DNMBP: variants seen among roughly 807,000 people sequenced by gnomAD.
DNMBP encodes dynamin binding protein, also known as dynamin-binding protein.
In DNMBP, 87 loss-of-function variants were observed where a neutral mutation model predicts 150.0. The ratio of observed to expected loss-of-function variants is 0.58; its 90% CI spans 0.49 to 0.69. DNMBP has a LOEUF of 0.69. Ranked by LOEUF, DNMBP falls within the 30% of genes least tolerant of loss-of-function variation. DNMBP has a pLI of 0.00. For synonymous variants in DNMBP, 711 were observed against 750.4 expected, an observed-to-expected ratio of 0.95 and a Z score of 0.86; for missense variants, 1,774 against 1,949.0, an observed-to-expected ratio of 0.91 and a Z score of 1.69.
chr10:99,907,400 T>G (rs894987794), intron 6 of DNMBP, among the ~76,000 whole-genome samples: 2 of 139,176 alleles, frequency 1.4e-5, no homozygotes, highest in African/African-American at 2.5e-5. Flanking sequence ...TTTTCTTTTG[T>G]TTTTTTTTTT....
rs371216708 is a variant in DNMBP, at chr10:99,930,171, C to T, written c.2261-21025G>A. 160 of 702,948 alleles carry T rather than the reference C, an allele frequency of 2.3e-4. 1 individual carries two copies. The East Asian group carries it at 3.2e-3, about 14-fold the overall frequency. The allele number at this position is 702,948 out of a possible 1,614,324, so 43.5% of individuals were successfully genotyped here. ...ATGATATAAATTGCTGTGTTCTCTA[C>T]AATAAAAATTAGTTGCCCAACAATC... is the stretch of plus-strand genomic sequence containing the variant. On this transcript the variant is annotated intron_variant, in intron 4 of 16. Transcript: ENST00000324109.
intron 1 of DNMBP, among the ~76,000 whole-genome samples, chr10:99,998,196 C>T (rs1387143201): frequency 6.7e-6 from 1 of 148,792 alleles, no homozygotes; most frequent in Non-Finnish European, 1.5e-5. Context: ...GATCGCGCCA[C>T]TGTACTCCAG....
chr10:99,919,356 TA>T (rs2039997829), intron 4 of DNMBP, among the ~76,000 whole-genome samples: 2 of 152,356 alleles, frequency 1.3e-5, no homozygotes, highest in African/African-American at 4.8e-5. Flanking sequence ...TCCTACTCTA[TA>T]AAAATCACTT....
chr10:99,898,349 T>C, intron 8 of DNMBP, 64 bp from the exon 9 acceptor site: 1 of 1,405,026 alleles, frequency 7.1e-7, no homozygotes, highest in Non-Finnish European at 1.0e-6. Flanking sequence ...CCTGGGAACA[T>C]CGTGAGACCC....
Position 99,972,258 on chromosome 10 carries a change from A to C in DNMBP, c.-10-124T>G, listed in dbSNP as rs187523495. 6.6e-6 allele frequency: 6 copies of C among 913,182 alleles called. No homozygotes were observed. In the African/African-American group the frequency reaches 1.0e-4, roughly 15 times the overall value. 56.6% of individuals were successfully genotyped at this position (913,182 alleles called of 1,614,324 possible). Reference sequence around the variant, plus strand: ...CTTAAAATGAAGCCAAAGCTAAGCAAATAAGTTAGTACTTCCTATTTTATT... The same window carrying C: ...CTTAAAATGAAGCCAAAGCTAAGCACATAAGTTAGTACTTCCTATTTTATT... On this transcript the variant is annotated intron_variant, in intron 1 of 16. Transcript: ENST00000324109.
At position 100,008,994 on chromosome 10, in the gene DNMBP, T is replaced by C. The variant is rs528120250; in HGVS notation, c.-11+844A>G. ...ACAGCATCATTAGTTATGAAAGTGT[T>C]TTAATACAAGATCTTCATGTTTGTG... On this transcript the variant is annotated intron_variant, in intron 1 of 16. Transcript: ENST00000324109. Among the ~76,000 whole-genome samples the C allele has an allele frequency of 8.7e-4, 132 of 152,330 alleles. 1 individual carries two copies. The highest frequency in any genetic ancestry group is 7.2e-4 in the Non-Finnish European group (49 of 68,022).
intron 1 of DNMBP, among the ~76,000 whole-genome samples, chr10:99,988,078 TA>T (rs11356931): frequency 0.33 from 49,226 of 149,340 alleles, 8,066 homozygotes; most frequent in African/African-American, 0.36. Context: ...TTTTGCTTAA[TA>T]AAAAAAAAAA....
intron 6 of DNMBP, 67 bp downstream of exon 6, chr10:99,907,928 G>C: frequency 8.6e-7 from 1 of 1,158,992 alleles, no homozygotes; most frequent in Non-Finnish European, 1.3e-6. Flanking sequence ...GTATCAGGAA[G>C]GCCACTTACT....
chr10:100,006,779 CCA>C (rs1426516035), intron 1 of DNMBP, among the ~76,000 whole-genome samples: 1 of 152,008 alleles, frequency 6.6e-6, no homozygotes, highest in East Asian at 1.9e-4. Context: ...CATGCTCATC[CCA>C]CTGCCTCCTG....
intron 4 of DNMBP, among the ~76,000 whole-genome samples, chr10:99,917,988 A>T (rs1174498472): frequency 1.8e-5 from 1 of 54,618 alleles, no homozygotes; most frequent in East Asian, 3.2e-4. Context: ...AAAAAAAAAA[A>T]AAGAAAAGAA....
intron 5 of DNMBP, among the ~76,000 whole-genome samples, chr10:99,908,436 G>A (rs534039100): frequency 1.3e-5 from 2 of 152,230 alleles, no homozygotes; most frequent in Admixed American, 1.3e-4. Flanking sequence ...ATGCTCCAAG[G>A]GTGTAAACCC....
chr10:99,964,133 C>T (rs1385729504), intron 3 of DNMBP, among the ~76,000 whole-genome samples: 3 of 138,362 alleles, frequency 2.2e-5, no homozygotes, highest in Non-Finnish European at 3.1e-5. Flanking sequence ...CCTATTCTCT[C>T]TCTTTTTTTT....
chr10:99,892,232 C>A (rs1380552877), intron 11 of DNMBP, among the ~76,000 whole-genome samples: 1 of 150,490 alleles, frequency 6.6e-6, no homozygotes, highest in Non-Finnish European at 1.5e-5. Context: ...CGCCTCTGCC[C>A]GGCCACCACC....
In DNMBP at chr10:99,883,668, A is replaced by AT. The variant is rs200225282; in HGVS notation, c.3997+342dup. 4.8e-5 allele frequency among the ~76,000 whole-genome samples: 7 copies of AT among 145,680 alleles called. No homozygotes were observed. In the East Asian group the frequency reaches 1.2e-3, roughly 24 times the overall value. ...AAAAAAAAAAAAAAAAAAAAAAAAAATTTGAAAAGAGGGCAGCTTATTTTG... is the reference window on the plus strand; with the variant it reads ...AAAAAAAAAAAAAAAAAAAAAAAAAATTTTGAAAAGAGGGCAGCTTATTTTG... On this transcript the variant is annotated intron_variant, in intron 15 of 16. Coordinates refer to ENST00000324109, the MANE Select transcript of DNMBP (RefSeq NM_015221.4).
At chr10:99,901,447 C>A (rs1298806062) in intron 6 of DNMBP, among the ~76,000 whole-genome samples, 2 of 152,102 alleles carry the variant, frequency 1.3e-5, no homozygotes, top group African/African-American at 4.8e-5. Context: ...GACTTATTCC[C>A]TACATTCATA....
At position 99,877,347 on chromosome 10, in the gene DNMBP, G is replaced by A. The variant is rs778857435; in HGVS notation, c.4549-11C>T. On this transcript the variant is annotated splice_polypyrimidine_tract_variant and intron_variant, in intron 16 of 16. Transcript: ENST00000324109. ...GACAGCAAAATAGACCTGTGTGAGG[G>A]AGAGAGAGAAAATGGGAAATTGCTG... is the stretch of plus-strand genomic sequence containing the variant. 7.5e-6 allele frequency: 12 copies of A among 1,592,004 alleles called. No homozygotes were observed. The African/African-American group carries it at 1.1e-4, about 14-fold the overall frequency.
chr10:100,007,150 T>C (rs2041081940), intron 1 of DNMBP, among the ~76,000 whole-genome samples: 1 of 152,044 alleles, frequency 6.6e-6, no homozygotes, highest in African/African-American at 2.4e-5. Flanking sequence ...GAGGCTTTAT[T>C]TGACCCCTCT....
At chr10:99,961,071 C>T (rs2040558478) in intron 3 of DNMBP, among the ~76,000 whole-genome samples, 2 of 151,626 alleles carry the variant, frequency 1.3e-5, no homozygotes, top group Admixed American at 1.3e-4. Flanking sequence ...GTAGGTACCA[C>T]CTTCTCTTTG....
At position 99,895,025 on chromosome 10, in the gene DNMBP, G is replaced by A; in HGVS notation, c.3077C>T (p.Thr1026Ile). The change falls in exon 11 of 17, where the codon ACA becomes ATA. Residue 1026 changes from threonine to isoleucine, a missense_variant. Thr to Ile is a moderately conservative substitution (Grantham distance 89). This residue lies in a region of DNMBP where 1,430 missense variants were observed against 1,492.5 expected (regional missense o/e 0.96). Transcript: ENST00000324109. ...PQIKDEVFEE[T>I]EKNFRMQERL... ...TTCTTGCATTCGGAAGTTTTTTTCT[G>A]TTTCTTCAAATACTTCATCTTTTAT... The A allele has an allele frequency of 1.2e-6, 2 of 1,608,890 alleles. No individual in the cohort carries two copies. Among genetic ancestry groups the A allele is most frequent in the Non-Finnish European group, 8.5e-7 (1 of 1,177,216 alleles).
Sources: gnomAD v4.1 joint callset for allele counts (sites outside exome capture counted in the v4.1 genomes callset) on GRCh38, gnomAD v4.1.1 for gene constraint, gnomAD v4.1.1 regional missense constraint, MANE v1.5 for transcripts, NCBI Gene and HGNC (gene_info 2026-07-23, HGNC 2026-07-21) for gene names.